ADAMTS6: variants seen among roughly 807,000 people sequenced by gnomAD.
ADAMTS6 encodes the protein A disintegrin and metalloproteinase with thrombospondin motifs 6.
In ADAMTS6, 23 loss-of-function variants were observed where a neutral mutation model predicts 144.3. That is an observed-to-expected ratio of 0.16 (90% CI 0.11 to 0.23). ADAMTS6 has a LOEUF of 0.23. Ranked by LOEUF, ADAMTS6 falls within the 10% of genes least tolerant of loss-of-function variation. The probability of loss-of-function intolerance (pLI) is 1.00; values close to 1 mark genes in which losing one functional copy is unlikely to be tolerated. For missense variants in ADAMTS6, 999 were observed against 1,379.6 expected (o/e 0.72, Z 4.37); for synonymous variants, 444 against 457.5 (o/e 0.97, Z 0.38).
chr5:65,336,990 A>G (rs146492331), intron 7 of ADAMTS6, among the ~76,000 whole-genome samples: 128 of 152,266 alleles, frequency 8.4e-4, no homozygotes, highest in Middle Eastern at 6.8e-3. Flanking sequence ...CTGAATATGT[A>G]TCATGGAATA....
At chr5:65,418,362 C>CCTAACT (rs891119453) in intron 7 of ADAMTS6, among the ~76,000 whole-genome samples, 1 of 152,102 alleles carries the variant, frequency 6.6e-6, no homozygotes, top group Admixed American at 6.6e-5. Context: ...CAAAAATTGT[C>CCTAACT]AGTTAGGACC....
rs530150521 is a variant in ADAMTS6, at chr5:65,203,750, A to ATAAAAGGCTTTATTTT, written c.2576-6615_2576-6600dup. ...AATCAGGATGATCATGCTTACCATA[A>ATAAAAGGCTTTATTTT]TAAAAGGCTTTATTTTTAAAAGGCT... On this transcript the variant is annotated intron_variant, in intron 20 of 24. Coordinates refer to ENST00000381055, the MANE Select transcript of ADAMTS6 (RefSeq NM_197941.4). Among the ~76,000 whole-genome samples the ATAAAAGGCTTTATTTT allele has an allele frequency of 2.3e-3, 355 of 152,334 alleles. 3 individuals are homozygous for ATAAAAGGCTTTATTTT. Among genetic ancestry groups the ATAAAAGGCTTTATTTT allele is most frequent in the African/African-American group, 8.3e-3 (343 of 41,566 alleles).
At chr5:65,456,394 T>C (rs6878906) in intron 4 of ADAMTS6, among the ~76,000 whole-genome samples, 30,847 of 152,146 alleles carry the variant, frequency 0.2, 4,590 homozygotes, top group African/African-American at 0.43. Context: ...ATGGATTTCA[T>C]TGCCATCTGA....
intron 7 of ADAMTS6, among the ~76,000 whole-genome samples, chr5:65,343,284 A>C (rs78700208): frequency 0.044 from 6,753 of 152,134 alleles, 281 homozygotes; most frequent in African/African-American, 0.11. Flanking sequence ...TACTACCAGA[A>C]CTCAAAATAC....
chr5:65,237,167 A>T (rs533435349), intron 15 of ADAMTS6, among the ~76,000 whole-genome samples: 1 of 151,930 alleles, frequency 6.6e-6, no homozygotes, highest in African/African-American at 2.4e-5. Context: ...GCTGAGATTG[A>T]AGAATCCCTT....
intron 9 of ADAMTS6, among the ~76,000 whole-genome samples, chr5:65,303,148 A>G (rs181583995): frequency 2.1e-4 from 32 of 152,308 alleles, no homozygotes; most frequent in Admixed American, 3.9e-4. Flanking sequence ...CCAGGTTTGC[A>G]GGAGCATATA....
intron 9 of ADAMTS6, among the ~76,000 whole-genome samples, chr5:65,301,059 C>G (rs766619264): frequency 6.6e-6 from 1 of 151,978 alleles, no homozygotes. Flanking sequence ...TGGTTTTTAT[C>G]GTAGCCTCCT....
intron 20 of ADAMTS6, among the ~76,000 whole-genome samples, chr5:65,199,393 C>T (rs1291222442): frequency 6.6e-6 from 1 of 152,044 alleles, no homozygotes; most frequent in African/African-American, 2.4e-5. Context: ...TCAAAAGTAG[C>T]CTTTATTGCA....
intron 7 of ADAMTS6, among the ~76,000 whole-genome samples, chr5:65,437,251 C>A (rs181198303): frequency 6.6e-6 from 1 of 151,858 alleles, no homozygotes; most frequent in Non-Finnish European, 1.5e-5. Flanking sequence ...CCCACCACCA[C>A]GCCCAGATAA....
At chr5:65,170,582 A>G in intron 24 of ADAMTS6, 35 bp downstream of exon 24, 2 of 1,609,012 alleles carry the variant, frequency 1.2e-6, no homozygotes, top group Middle Eastern at 1.7e-4. Context: ...GTGGGTCATT[A>G]GAAACCACAG....
intron 7 of ADAMTS6, among the ~76,000 whole-genome samples, chr5:65,441,682 A>G (rs1050216285): frequency 2.0e-5 from 3 of 152,120 alleles, no homozygotes; most frequent in Non-Finnish European, 4.4e-5. Context: ...TGGGCCATAA[A>G]GCAAGTCTCA....
intron 16 of ADAMTS6, 69 bp from the exon 17 acceptor site, chr5:65,225,116 T>C (rs1757633970): frequency 4.2e-6 from 6 of 1,422,158 alleles, no homozygotes; most frequent in Admixed American, 4.9e-5. Context: ...ATGAAATACA[T>C]ATAACTTATT....
At chr5:65,405,558 A>G (rs1391703026) in intron 7 of ADAMTS6, among the ~76,000 whole-genome samples, 1 of 152,146 alleles carries the variant, frequency 6.6e-6, no homozygotes, top group Non-Finnish European at 1.5e-5. Flanking sequence ...GCCTTGTAGT[A>G]TAGTTTGAAG....
At chr5:65,395,773 T>A (rs895076049) in intron 7 of ADAMTS6, among the ~76,000 whole-genome samples, 1 of 152,140 alleles carries the variant, frequency 6.6e-6, no homozygotes, top group African/African-American at 2.4e-5. Flanking sequence ...ATTTGCAACA[T>A]TGAAAAGATA....
At chr5:65,309,870 A>G (rs1175862439) in intron 9 of ADAMTS6, among the ~76,000 whole-genome samples, 3 of 151,944 alleles carry the variant, frequency 2.0e-5, no homozygotes, top group African/African-American at 7.3e-5. Flanking sequence ...ACTCTGGGAG[A>G]CTGAGGTGGG....
At chr5:65,171,312 A>G (rs145316583) in intron 23 of ADAMTS6, among the ~76,000 whole-genome samples, 75 of 152,262 alleles carry the variant, frequency 4.9e-4, no homozygotes, top group Admixed American at 8.5e-4. Flanking sequence ...CCTGGCCACA[A>G]TATTAACTTT....
intron 7 of ADAMTS6, among the ~76,000 whole-genome samples, chr5:65,420,161 T>A (rs1180874248): frequency 6.6e-6 from 1 of 152,062 alleles, no homozygotes; most frequent in Non-Finnish European, 1.5e-5. Flanking sequence ...AATAAAACCA[T>A]CAGATCTTGT....
intron 9 of ADAMTS6, among the ~76,000 whole-genome samples, chr5:65,311,131 T>A (rs538805838): frequency 1.8e-4 from 28 of 152,170 alleles, no homozygotes; most frequent in Admixed American, 6.6e-4. Context: ...AATCTCTGAA[T>A]CCAAATAAAT....
chr5:65,281,317 T>C (rs1762973235), intron 11 of ADAMTS6, among the ~76,000 whole-genome samples: 1 of 152,212 alleles, frequency 6.6e-6, no homozygotes, highest in Non-Finnish European at 1.5e-5. Flanking sequence ...TGATTAGTAA[T>C]GGTTTACTTT....
Sources: gnomAD v4.1 joint callset for allele counts (sites outside exome capture counted in the v4.1 genomes callset) on GRCh38, gnomAD v4.1.1 for gene constraint, MANE v1.5 for transcripts, NCBI Gene and HGNC (gene_info 2026-07-23, HGNC 2026-07-21) for gene names.